PLK2: variants seen among roughly 807,000 people sequenced by gnomAD.
The protein encoded by PLK2 is polo like kinase 2.
PLK2 carries 25 observed loss-of-function variants against 78.1 expected under a neutral mutation model. The observed-to-expected ratio is 0.32, with a 90% CI of 0.23 to 0.45. The LOEUF (loss-of-function observed/expected upper bound fraction) is 0.45, where lower values mean the gene tolerates loss of function less well. Ranked by LOEUF, PLK2 falls within the 20% of genes least tolerant of loss-of-function variation. PLK2 has a pLI of 1.00. For synonymous variants in PLK2, 332 were observed against 298.2 expected (o/e 1.11, Z -1.17); for missense variants, 566 against 840.2 (o/e 0.67, Z 4.04).
At chr5:58,456,689 T>C (rs1561216149) in intron 8 of PLK2, 100 bp from the exon 9 acceptor site, 2 of 804,498 alleles carry the variant, frequency 2.5e-6, no homozygotes, top group South Asian at 1.8e-5. Context: ...GACCAACTTA[T>C]GAGCATCCTG....
chr5:58,454,587 T>C lies in PLK2; in HGVS notation c.2054A>G (p.Asn685Ser). 6.2e-7 allele frequency: 1 copy of C among 1,607,890 alleles called. No homozygotes were observed. The highest frequency in any genetic ancestry group is 8.5e-7 in the Non-Finnish European group (1 of 1,176,252). The change falls in exon 14 of 14, where the codon AAC becomes AGC. Residue 685 changes from asparagine (N) to serine (S), a missense_variant. By Grantham distance (46) the Asn-to-Ser change is conservative. This residue lies in a region of PLK2 where 130 missense variants were observed against 196.4 expected (regional missense o/e 0.66). Coordinates refer to ENST00000274289, the MANE Select transcript of PLK2 (RefSeq NM_006622.4). ...YALNMLLQRC[N>S] ...AGGGTCCATTCGAAAAGTCTTTCAG[T>C]TACATCTTTGTAAGAGCATGTTCAG...
intron 4 of PLK2, 35 bp from the exon 5 acceptor site, chr5:58,458,206 T>C (rs1287609787): frequency 1.9e-5 from 28 of 1,459,554 alleles, no homozygotes; most frequent in Non-Finnish European, 2.6e-5. Flanking sequence ...TGAATCCCTT[T>C]GAAAATGCGT....
In PLK2 at chr5:58,454,361, C is replaced by T; in HGVS notation, c.*222G>A. On this transcript the variant is annotated 3_prime_UTR_variant, in exon 14 of 14. Transcript: ENST00000274289. ...CTGAAAAACCTTTTAAAACAGGTAT[C>T]TCAAGGAAAACTGCATTCTGGTTCA... 2 of 415,864 alleles carry T rather than the reference C, an allele frequency of 4.8e-6. No individual in the cohort carries two copies. Among genetic ancestry groups the T allele is most frequent in the Non-Finnish European group, 8.5e-6 (2 of 234,322 alleles). The allele number at this position is 415,864 out of a possible 1,614,324, so 25.8% of individuals were successfully genotyped here.
rs775664117 is a variant in PLK2 at position 58,459,898 on chromosome 5, G to A, written c.62C>T (p.Ala21Val). ...GTCCGCTCCGCAACCCTTGCCCAGC[G>A]CCTGCTCGCACATTTTGGTGCTGGC... Reference protein sequence around the residue: ...PAASTKMCEQALGKGCGADSK... With the variant: ...PAASTKMCEQVLGKGCGADSK... Residue 21 changes from alanine (A) to valine (V), a missense_variant, in exon 1 of 14, where the codon GCG becomes GTG. By Grantham distance (64) the Ala-to-Val change is moderately conservative (BLOSUM62 0). Coordinates refer to ENST00000274289, the MANE Select transcript of PLK2 (RefSeq NM_006622.4). 4.3e-6 allele frequency: 7 copies of A among 1,612,030 alleles called. No individual in the cohort carries two copies. The highest frequency in any genetic ancestry group is 5.1e-6 in the Non-Finnish European group (6 of 1,179,700).
chr5:58,454,817 A>T lies in PLK2; in HGVS notation c.1867-43T>A, dbSNP rs1313179629. ...GACATTAGATCTCTCAAAATATTCG[A>T]GAATTAGAAAAGTTCAGTCAATCAC... On this transcript the variant is annotated intron_variant, in intron 13 of 13. Transcript: ENST00000274289. 3 of 1,529,848 alleles carry T rather than the reference A, an allele frequency of 2.0e-6. No homozygotes were observed. The Admixed American group carries it at 5.2e-5, about 27-fold the overall frequency. 94.8% of individuals were successfully genotyped at this position (1,529,848 alleles called of 1,614,324 possible).
Position 58,455,372 on chromosome 5 carries a change from G to A in PLK2, c.1668C>T (p.Phe556=), listed in dbSNP as rs1303629647. ...ATTGCTCAGGAGCATCTGTTGCTGGGAAAACTGAGCATTGGCCAAGCTCTG... is the reference window on the plus strand; with the variant it reads ...ATTGCTCAGGAGCATCTGTTGCTGGAAAAACTGAGCATTGGCCAAGCTCTG... ...YYAELGQCSV[F]PATDAPEQFI... Residue 556 remains phenylalanine (F), a synonymous_variant, in exon 12 of 14, where the codon TTC becomes TTT. Transcript: ENST00000274289. The A allele has an allele frequency of 2.5e-6, 4 of 1,614,016 alleles. No homozygotes were observed. The highest frequency in any genetic ancestry group is 3.4e-6 in the Non-Finnish European group (4 of 1,179,956).
chr5:58,455,591 C>T lies in PLK2; in HGVS notation c.1573G>A (p.Val525Ile), dbSNP rs763149085. 7.4e-6 allele frequency: 12 copies of T among 1,613,800 alleles called. No homozygotes were observed. The highest frequency in any genetic ancestry group is 5.0e-5 in the Admixed American group (3 of 59,972). The change falls in exon 11 of 14, where the codon GTC becomes ATC. Residue 525 changes from valine to isoleucine, a missense_variant. Coordinates refer to ENST00000274289, the MANE Select transcript of PLK2 (RefSeq NM_006622.4). ...GCACCATTGTTGAAAAGGACACCGA[C>T]GGTGTGGTCTGAGAGCTGGTACCCA... ...GFGYQLSDHT[V>I]GVLFNNGAHM...
intron 9 of PLK2, 90 bp downstream of exon 9, chr5:58,456,402 G>T: frequency 1.1e-6 from 1 of 885,536 alleles, no homozygotes; most frequent in Non-Finnish European, 1.8e-6. Flanking sequence ...TGACATATTT[G>T]AACCATGATA....
chr5:58,453,998 C>T lies in PLK2; in HGVS notation c.*585G>A, dbSNP rs1312323967. 2 of 152,462 alleles carry T rather than the reference C, an allele frequency of 1.3e-5. No homozygotes were observed. Among genetic ancestry groups the T allele is most frequent in the African/African-American group, 2.4e-5 (1 of 41,382 alleles). 9.4% of individuals were successfully genotyped at this position (152,462 alleles called of 1,614,324 possible). ...AGACCATTATTTCTGCGTTTTCATA[C>T]TCTTTATTGCCAACGGTTTAAAATG... is the stretch of plus-strand genomic sequence containing the variant. On this transcript the variant is annotated 3_prime_UTR_variant, in exon 14 of 14. Transcript: ENST00000274289.
Position 58,458,172 on chromosome 5 carries a change from CT to C in PLK2, c.626-2del. 6.2e-7 allele frequency: 1 copy of C among 1,601,034 alleles called. No homozygotes were observed. The highest frequency in any genetic ancestry group is 8.6e-7 in the Non-Finnish European group (1 of 1,168,278). Reference sequence around the variant, plus strand: ...ATGGCTTCATTAATAAAAAAGTTCCCTAGACGATAAACAAAACAAAATGTGA... The same window carrying C: ...ATGGCTTCATTAATAAAAAAGTTCCCAGACGATAAACAAAACAAAATGTGA... On this transcript the variant is annotated splice_acceptor_variant, in intron 4 of 13. Coordinates refer to ENST00000274289, the MANE Select transcript of PLK2 (RefSeq NM_006622.4). LOFTEE classifies it high-confidence loss of function.
chr5:58,459,409 G>C, intron 1 of PLK2: 1 of 569,290 alleles, frequency 1.8e-6, no homozygotes, highest in Non-Finnish European at 3.1e-6. Context: ...AGCAGATAGA[G>C]GGAGAGAGGT....
chr5:58,457,021 A>G lies in PLK2; in HGVS notation c.1080T>C (p.Ala360=). 2 of 1,613,606 alleles carry G rather than the reference A, an allele frequency of 1.2e-6. No individual in the cohort carries two copies. Among genetic ancestry groups the G allele is most frequent in the Non-Finnish European group, 1.7e-6 (2 of 1,179,550 alleles). ...TVPDFHLSSP[A]KNFFKKAAAA... ...CAGCTGCTTTCTTAAAGAAATTCTT[A>G]GCTGGGCTTGATAAGTGGAAATCTG... The change falls in exon 8 of 14, where the codon GCT becomes GCC. Residue 360 remains alanine (A), a synonymous_variant. Coordinates refer to ENST00000274289, the MANE Select transcript of PLK2 (RefSeq NM_006622.4).
At position 58,458,526 on chromosome 5, in the gene PLK2, T is replaced by G. The variant is rs998648214; in HGVS notation, c.498A>C (p.Ser166=). 2 of 1,609,416 alleles carry G rather than the reference T, an allele frequency of 1.2e-6. No homozygotes were observed. Among genetic ancestry groups the G allele is most frequent in the African/African-American group, 2.7e-5 (2 of 74,696 alleles). The change falls in exon 4 of 14, where the codon TCA becomes TCC. Residue 166 remains serine (S), a splice_region_variant and synonymous_variant. Transcript: ENST00000274289. ...YILLEYCSRR[S]MAHILKARKV... Reference sequence around the variant, plus strand: ...TTCTTGCTTTCAAAATATGAGCCATTGACTAAGAAGAGGAGAAGGAAAAAA... The same window carrying G: ...TTCTTGCTTTCAAAATATGAGCCATGGACTAAGAAGAGGAGAAGGAAAAAA...
At chr5:58,457,413 C>T (rs375935938) in intron 6 of PLK2, 34 bp from the exon 7 acceptor site, 7 of 1,578,144 alleles carry the variant, frequency 4.4e-6, no homozygotes, top group African/African-American at 4.0e-5. Flanking sequence ...TAGCAATGGT[C>T]ATAAAGCAAC....
At position 58,458,101 on chromosome 5, in the gene PLK2, G is replaced by A; in HGVS notation, c.696C>T (p.Pro232=). Residue 232 remains proline, a synonymous_variant, in exon 5 of 14, where the codon CCC becomes CCT. Transcript: ENST00000274289. ...GDFGLAARLE[P]LEHRRRTICG... The stretch of plus-strand genomic sequence containing the variant: ...ACTCTTACCTCCTTCTGTGTTCCAA[G>A]GGTTCTAGCCTGGCTGCCAGACCGA... 1 of 1,612,436 alleles carries A rather than the reference G, an allele frequency of 6.2e-7. No individual in the cohort carries two copies.
intron 1 of PLK2, chr5:58,459,476 GAC>G (rs1474037865): frequency 8.7e-6 from 5 of 576,054 alleles, no homozygotes; most frequent in East Asian, 8.7e-5. Context: ...GGCTGCGGGA[GAC>G]ACACAGTTCT....
At position 58,454,412 on chromosome 5, in the gene PLK2, C is replaced by A; in HGVS notation, c.*171G>T. 1.8e-6 allele frequency: 1 copy of A among 547,088 alleles called. No homozygotes were observed. Among genetic ancestry groups the A allele is most frequent in the Non-Finnish European group, 3.3e-6 (1 of 307,428 alleles). The allele number at this position is 547,088 out of a possible 1,614,324, so 33.9% of individuals were successfully genotyped here. On this transcript the variant is annotated 3_prime_UTR_variant, in exon 14 of 14. Transcript: ENST00000274289. ...CTCTTGGATTGTCCAAAGTCAAGAACTGTATGCCTTAGCCTGTTCTGGTTC... is the reference window on the plus strand; with the variant it reads ...CTCTTGGATTGTCCAAAGTCAAGAAATGTATGCCTTAGCCTGTTCTGGTTC...
intron 12 of PLK2, 56 bp from the exon 13 acceptor site, chr5:58,455,077 C>G: frequency 8.5e-7 from 1 of 1,175,370 alleles, no homozygotes; most frequent in Non-Finnish European, 1.3e-6. Flanking sequence ...AGCATGCACT[C>G]TATTATTATT....
Position 58,459,908 on chromosome 5 carries a change from A to T in PLK2, c.52T>A (p.Cys18Ser). The change falls in exon 1 of 14, where the codon TGC becomes AGC. Residue 18 changes from cysteine (C) to serine (S), a missense_variant. Cys to Ser is a moderately radical substitution (Grantham distance 112, BLOSUM62 -1). Transcript: ENST00000274289. ...CAACCCTTGCCCAGCGCCTGCTCGC[A>T]CATTTTGGTGCTGGCGGCTGGCTGG... is the stretch of plus-strand genomic sequence containing the variant. ...TYQPAASTKM[C>S]EQALGKGCGA... is the part of the protein sequence containing the mutation. The T allele has an allele frequency of 1.2e-6, 2 of 1,612,216 alleles. No individual in the cohort carries two copies. Among genetic ancestry groups the T allele is most frequent in the Non-Finnish European group, 1.7e-6 (2 of 1,179,670 alleles).
Sources: gnomAD v4.1 joint callset for allele counts on GRCh38, gnomAD v4.1.1 for gene constraint, gnomAD v4.1.1 regional missense constraint, MANE v1.5 for transcripts, NCBI Gene and HGNC (gene_info 2026-07-23, HGNC 2026-07-21) for gene names.